The following LDLRAD3 variants were observed in gnomAD, a reference collection of about 807,000 sequenced individuals.
LDLRAD3 encodes the protein low density lipoprotein receptor class A domain containing 3, also known as low-density lipoprotein receptor class A domain-containing protein 3.
In LDLRAD3, 20 loss-of-function variants were observed where a neutral mutation model predicts 29.4. The observed-to-expected ratio is 0.68, with a 90% CI of 0.48 to 0.99. LDLRAD3 has a LOEUF of 0.99. Ranked by LOEUF, LDLRAD3 falls within the 50% of genes least tolerant of loss-of-function variation. The pLI is 0.00. For synonymous variants in LDLRAD3, 157 were observed against 192.7 expected, an observed-to-expected ratio of 0.81 and a Z score of 1.53; for missense variants, 420 against 454.3, an observed-to-expected ratio of 0.92 and a Z score of 0.69.
intron 2 of LDLRAD3, among the ~76,000 whole-genome samples, chr11:36,079,865 G>A (rs142790186): frequency 2.0e-5 from 3 of 152,320 alleles, no homozygotes; most frequent in African/African-American, 4.8e-5. Context: ...GGATGCCACA[G>A]TAAGGAAACT....
intron 4 of LDLRAD3, among the ~76,000 whole-genome samples, chr11:36,189,403 G>A (rs1854904312): frequency 6.6e-6 from 1 of 151,984 alleles, no homozygotes; most frequent in East Asian, 1.9e-4. Flanking sequence ...AGAATTGCTT[G>A]AACCCGAGAG....
At chr11:36,048,722 A>G (rs1332523860) in intron 2 of LDLRAD3, among the ~76,000 whole-genome samples, 4 of 152,130 alleles carry the variant, frequency 2.6e-5, no homozygotes, top group Non-Finnish European at 4.4e-5. Context: ...CTTGGACGGC[A>G]TCTGCAAGAA....
chr11:35,996,580 T>G (rs1486632896), intron 1 of LDLRAD3, among the ~76,000 whole-genome samples: 1 of 152,188 alleles, frequency 6.6e-6, no homozygotes, highest in Non-Finnish European at 1.5e-5. Context: ...GCCATAGACC[T>G]TCAGTTTGTG....
chr11:36,032,195 C>A (rs961327969), intron 1 of LDLRAD3, among the ~76,000 whole-genome samples: 1 of 152,152 alleles, frequency 6.6e-6, no homozygotes, highest in Non-Finnish European at 1.5e-5. Context: ...GGGTTTAGGA[C>A]TTCAACATGT....
intron 1 of LDLRAD3, chr11:35,967,706 G>C (rs777012733): frequency 2.1e-6 from 1 of 476,810 alleles, no homozygotes; most frequent in Non-Finnish European, 4.2e-6. Context: ...CACCATGCCA[G>C]AGTTGTGGCT....
At chr11:36,202,067 G>A (rs139434198) in intron 4 of LDLRAD3, among the ~76,000 whole-genome samples, 8 of 140,064 alleles carry the variant, frequency 5.7e-5, no homozygotes, top group African/African-American at 1.1e-4. Context: ...TTTTTAAGAC[G>A]GAGTTTCACT....
rs1855313357 is a variant in LDLRAD3, at chr11:36,213,647, C to G, written c.455-13438C>G. Among the ~76,000 whole-genome samples the G allele has an allele frequency of 6.6e-6, 1 of 152,180 alleles. No individual in the cohort carries two copies. Among genetic ancestry groups the G allele is most frequent in the Non-Finnish European group, 1.5e-5 (1 of 68,022 alleles). ...CAGGAGTGAAATGGGACCCCCAGGG[C>G]CGCTCCCACCCTGGGAGTGCCATTG... On this transcript the variant is annotated intron_variant, in intron 4 of 5. Coordinates refer to ENST00000315571, the MANE Select transcript of LDLRAD3 (RefSeq NM_174902.4). The surrounding 1 kb of genome is among the most constrained non-coding windows in gnomAD (Gnocchi z 4.1).
At chr11:35,947,763 C>T (rs781093400) in intron 1 of LDLRAD3, among the ~76,000 whole-genome samples, 14 of 152,090 alleles carry the variant, frequency 9.2e-5, no homozygotes, top group Non-Finnish European at 2.1e-4. Flanking sequence ...TCTCTTTGCC[C>T]CCTACCTGGG....
chr11:35,952,564 T>C (rs1851150266), intron 1 of LDLRAD3, among the ~76,000 whole-genome samples: 1 of 152,230 alleles, frequency 6.6e-6, no homozygotes, highest in African/African-American at 2.4e-5. Context: ...ATAAACAAGT[T>C]ATTTCAGCAC....
At chr11:35,961,819 G>A (rs1437007231) in intron 1 of LDLRAD3, among the ~76,000 whole-genome samples, 1 of 152,098 alleles carries the variant, frequency 6.6e-6, no homozygotes, top group African/African-American at 2.4e-5. Context: ...TTTGATACAG[G>A]CATGCAGTGT....
intron 1 of LDLRAD3, among the ~76,000 whole-genome samples, chr11:35,965,712 T>C (rs916066913): frequency 6.6e-6 from 1 of 152,162 alleles, no homozygotes; most frequent in Non-Finnish European, 1.5e-5. Context: ...GAGAGGTCTG[T>C]CTCATTTAAT....
chr11:36,093,573 A>AGGT lies in LDLRAD3; in HGVS notation c.320-4753_320-4751dup, dbSNP rs1565217255. ...ATTTTTCTGGGCCACTTTGCCAGTCAGGTACCTCCACAGGCAGTGACGCTC... is the reference window on the plus strand; with the variant it reads ...ATTTTTCTGGGCCACTTTGCCAGTCAGGTGGTACCTCCACAGGCAGTGACGCTC... On this transcript the variant is annotated intron_variant, in intron 3 of 5. Coordinates refer to ENST00000315571, the MANE Select transcript of LDLRAD3 (RefSeq NM_174902.4). 9.2e-5 allele frequency among the ~76,000 whole-genome samples: 14 copies of AGGT among 152,282 alleles called. No homozygotes were observed. In the South Asian group the frequency reaches 2.9e-3, roughly 32 times the overall value.
At chr11:35,956,637 T>C (rs1276856299) in intron 1 of LDLRAD3, among the ~76,000 whole-genome samples, 1 of 152,244 alleles carries the variant, frequency 6.6e-6, no homozygotes, top group African/African-American at 2.4e-5. Context: ...TTTAAATCCA[T>C]CACATCTTCG....
chr11:36,029,020 G>A (rs1480296572), intron 1 of LDLRAD3, among the ~76,000 whole-genome samples: 2 of 152,164 alleles, frequency 1.3e-5, no homozygotes, highest in East Asian at 3.9e-4. Context: ...CGAGGCAGGC[G>A]GATCACAGGG....
chr11:36,152,199 G>A (rs1854287436), intron 4 of LDLRAD3, among the ~76,000 whole-genome samples: 1 of 152,126 alleles, frequency 6.6e-6, no homozygotes, highest in Admixed American at 6.6e-5. Flanking sequence ...GTCTCACTTT[G>A]TGATACACGT....
chr11:36,222,164 G>A (rs1855437838), intron 4 of LDLRAD3, among the ~76,000 whole-genome samples: 1 of 152,090 alleles, frequency 6.6e-6, no homozygotes, highest in Non-Finnish European at 1.5e-5. Context: ...CAAACTCCTG[G>A]GTTCAAGAGA....
At chr11:36,037,746 A>C (rs781271876) in intron 2 of LDLRAD3, among the ~76,000 whole-genome samples, 1 of 152,166 alleles carries the variant, frequency 6.6e-6, no homozygotes, top group Non-Finnish European at 1.5e-5. Flanking sequence ...TCCTTCGCCC[A>C]TCCAAGGGGT....
chr11:36,067,817 T>A (rs1852820982), intron 2 of LDLRAD3, among the ~76,000 whole-genome samples: 1 of 152,134 alleles, frequency 6.6e-6, no homozygotes, highest in South Asian at 2.1e-4. Flanking sequence ...ACTACAGGCG[T>A]GTGCCTGGCT....
intron 4 of LDLRAD3, among the ~76,000 whole-genome samples, chr11:36,119,673 G>GT (rs76920490): frequency 0.23 from 35,358 of 151,996 alleles, 4,368 homozygotes; most frequent in East Asian, 0.33. Context: ...TTGCCCATTT[G>GT]TAAGTTGAGG....
Sources: gnomAD v4.1 joint callset for allele counts (sites outside exome capture counted in the v4.1 genomes callset) on GRCh38, gnomAD v4.1.1 for gene constraint, Gnocchi (gnomAD v3.1) non-coding constraint, MANE v1.5 for transcripts, NCBI Gene and HGNC (gene_info 2026-07-23, HGNC 2026-07-21) for gene names.